FAM184A: variants seen among roughly 807,000 people sequenced by gnomAD.
The protein encoded by FAM184A is protein FAM184A.
A neutral mutation model predicts 143.8 loss-of-function variants in FAM184A; 99 were observed. The ratio of observed to expected loss-of-function variants is 0.69; its 90% CI spans 0.58 to 0.81. The LOEUF (loss-of-function observed/expected upper bound fraction) is 0.81, where lower values mean the gene tolerates loss of function less well. Among genes scored for constraint, FAM184A ranks in the 40% least tolerant of loss-of-function variants. FAM184A has a pLI of 0.00. For synonymous variants in FAM184A, 427 were observed against 446.4 expected (o/e 0.96, Z 0.55); for missense variants, 1,217 against 1,310.5 (o/e 0.93, Z 1.10).
In FAM184A at chr6:119,015,443, C is replaced by T. The variant is rs560332070; in HGVS notation, c.1530+1304G>A. ...AGCGGCCGGCCGGCCCTGCGGGCCC[C>T]GGGCAGTGAGGGGCTTAGCACCCGG... On this transcript the variant is annotated intron_variant, in intron 5 of 17. Transcript: ENST00000338891. Among the ~76,000 whole-genome samples the T allele has an allele frequency of 1.1e-3, 168 of 152,284 alleles. 1 individual carries two copies. Among genetic ancestry groups the T allele is most frequent in the African/African-American group, 3.6e-3 (148 of 41,574 alleles).
intron 9 of FAM184A, 139 bp downstream of exon 9, chr6:119,002,760 T>C: frequency 1.4e-6 from 1 of 727,408 alleles, no homozygotes; most frequent in South Asian, 2.5e-5. Context: ...ATCTTCCTGG[T>C]TTTATGTATT....
At chr6:119,074,231 A>G (rs1347869346) in intron 1 of FAM184A, among the ~76,000 whole-genome samples, 1 of 152,230 alleles carries the variant, frequency 6.6e-6, no homozygotes, top group Non-Finnish European at 1.5e-5. Flanking sequence ...TCCTTGACCA[A>G]CTTTGGAAGG....
chr6:118,965,205 G>GTTTGT, intron 15 of FAM184A, among the ~76,000 whole-genome samples: 1 of 131,034 alleles, frequency 7.6e-6, no homozygotes, highest in Non-Finnish European at 1.6e-5. Flanking sequence ...TTTTTTGTTT[G>GTTTGT]TTTTTTTTTT....
At chr6:119,037,051 A>T (rs189635470) in intron 1 of FAM184A, among the ~76,000 whole-genome samples, 123 of 152,346 alleles carry the variant, frequency 8.1e-4, no homozygotes, top group African/African-American at 2.7e-3. Context: ...AATGAGTGCC[A>T]TGGAATGTCA....
chr6:119,091,136 C>CT (rs1788353591), intron 1 of FAM184A, among the ~76,000 whole-genome samples: 1 of 152,284 alleles, frequency 6.6e-6, no homozygotes, highest in Non-Finnish European at 1.5e-5. Context: ...ATGCTGTGTA[C>CT]TAATGCTACG....
chr6:119,110,160 A>T (rs1189781089), intron 1 of FAM184A, among the ~76,000 whole-genome samples: 1 of 151,978 alleles, frequency 6.6e-6, no homozygotes, highest in East Asian at 1.9e-4. Flanking sequence ...TAGCCCAGGG[A>T]TCCTGGGGCA....
At chr6:119,070,184 A>G (rs1787630946) in intron 1 of FAM184A, among the ~76,000 whole-genome samples, 1 of 152,182 alleles carries the variant, frequency 6.6e-6, no homozygotes, top group Non-Finnish European at 1.5e-5. Context: ...TGTAAGATAC[A>G]GGATAAAAAA....
intron 9 of FAM184A, among the ~76,000 whole-genome samples, chr6:118,989,131 T>C (rs1394198303): frequency 6.6e-6 from 1 of 151,884 alleles, no homozygotes; most frequent in Non-Finnish European, 1.5e-5. Flanking sequence ...CCGGCTAATT[T>C]TTTGTATTTT....
At chr6:119,087,915 T>C (rs1440075684) in intron 1 of FAM184A, among the ~76,000 whole-genome samples, 1 of 152,238 alleles carries the variant, frequency 6.6e-6, no homozygotes, top group Admixed American at 6.5e-5. Context: ...TTATTCAATC[T>C]TAAAAAGAAT....
chr6:119,088,355 A>G (rs1788282657), intron 1 of FAM184A, among the ~76,000 whole-genome samples: 2 of 152,220 alleles, frequency 1.3e-5, no homozygotes, highest in South Asian at 4.1e-4. Context: ...CTGTTCTATC[A>G]ATCAATAAAC....
intron 1 of FAM184A, among the ~76,000 whole-genome samples, chr6:119,117,338 G>A (rs611679): frequency 3.3e-5 from 5 of 152,310 alleles, no homozygotes; most frequent in African/African-American, 7.2e-5. Context: ...ACAGGGAAGA[G>A]GGAAGAAGAA....
chr6:119,040,961 T>C (rs1268628919), intron 1 of FAM184A, among the ~76,000 whole-genome samples: 1 of 152,166 alleles, frequency 6.6e-6, no homozygotes, highest in East Asian at 1.9e-4. Flanking sequence ...AGGGCTGCTG[T>C]TTTTGCAAGC....
intron 1 of FAM184A, among the ~76,000 whole-genome samples, chr6:119,051,593 C>T (rs973402030): frequency 6.6e-6 from 1 of 152,042 alleles, no homozygotes; most frequent in Non-Finnish European, 1.5e-5. Context: ...CATTGACATG[C>T]TTATTTCATA....
intron 1 of FAM184A, among the ~76,000 whole-genome samples, chr6:119,046,733 T>C (rs1233623611): frequency 6.6e-6 from 1 of 152,200 alleles, no homozygotes; most frequent in African/African-American, 2.4e-5. Flanking sequence ...TGCTAATACA[T>C]ACCCCTGAAT....
intron 1 of FAM184A, among the ~76,000 whole-genome samples, chr6:119,104,696 A>G (rs1788731729): frequency 6.6e-6 from 1 of 152,198 alleles, no homozygotes; most frequent in Non-Finnish European, 1.5e-5. Context: ...TTATTTACAT[A>G]TAAAATTAAA....
chr6:119,143,759 G>A (rs1772325555), intron 1 of FAM184A, among the ~76,000 whole-genome samples: 1 of 152,186 alleles, frequency 6.6e-6, no homozygotes, highest in Non-Finnish European at 1.5e-5. Flanking sequence ...ATCTAGAGTA[G>A]GCTAATCCAA....
intron 1 of FAM184A, chr6:119,025,587 C>A (rs771609521): frequency 3.9e-6 from 2 of 518,942 alleles, no homozygotes; most frequent in Non-Finnish European, 7.7e-6. Flanking sequence ...GATGTCCCAA[C>A]CTTAATTTCA....
chr6:119,072,390 T>C (rs894452390), intron 1 of FAM184A, among the ~76,000 whole-genome samples: 2 of 152,238 alleles, frequency 1.3e-5, no homozygotes, highest in Non-Finnish European at 2.9e-5. Flanking sequence ...TGGCATGTAC[T>C]AGTGCTAAGG....
chr6:119,025,415 T>A (rs775435186), intron 1 of FAM184A: 3 of 517,918 alleles, frequency 5.8e-6, no homozygotes, highest in Non-Finnish European at 1.2e-5. Context: ...GATCTCTTTA[T>A]AAAATCCAAT....
Sources: gnomAD v4.1 joint callset for allele counts (sites outside exome capture counted in the v4.1 genomes callset) on GRCh38, gnomAD v4.1.1 for gene constraint, MANE v1.5 for transcripts, NCBI Gene and HGNC (gene_info 2026-07-23, HGNC 2026-07-21) for gene names.